The following PLCXD3 variants were observed in gnomAD, a reference collection of about 807,000 sequenced individuals.
The protein encoded by PLCXD3 is PI-PLC X domain-containing protein 3.
A neutral mutation model predicts 25.5 loss-of-function variants in PLCXD3; 19 were observed. The observed-to-expected ratio is 0.75, with a 90% CI of 0.52 to 1.09. PLCXD3 has a LOEUF of 1.09. Ranked by LOEUF, PLCXD3 falls within the 50% of genes least tolerant of loss-of-function variation. The pLI is 0.00. For synonymous variants in PLCXD3, 174 were observed against 137.6 expected, an observed-to-expected ratio of 1.26 and a Z score of -1.85; for missense variants, 411 against 388.1, an observed-to-expected ratio of 1.06 and a Z score of -0.50.
intron 1 of PLCXD3, among the ~76,000 whole-genome samples, chr5:41,462,390 G>A (rs978042628): frequency 3.9e-5 from 6 of 152,068 alleles, no homozygotes; most frequent in African/African-American, 1.4e-4. Flanking sequence ...CAATGGAGAT[G>A]GTATGTTGGC....
chr5:41,469,255 A>G (rs1412888303), intron 1 of PLCXD3, among the ~76,000 whole-genome samples: 1 of 152,060 alleles, frequency 6.6e-6, no homozygotes, highest in Non-Finnish European at 1.5e-5. Context: ...CATTCTTTTA[A>G]TGTATTTTTA....
chr5:41,468,192 AT>A (rs779230121), intron 1 of PLCXD3, among the ~76,000 whole-genome samples: 2 of 151,256 alleles, frequency 1.3e-5, no homozygotes, highest in South Asian at 4.2e-4. Context: ...TGATTTTTGT[AT>A]TTTTAGTAGA....
At chr5:41,392,434 A>G (rs1447910387) in intron 1 of PLCXD3, among the ~76,000 whole-genome samples, 1 of 152,178 alleles carries the variant, frequency 6.6e-6, no homozygotes, top group African/African-American at 2.4e-5. Flanking sequence ...CCAGAGAATT[A>G]TCCTGGATCT....
intron 2 of PLCXD3, 90 bp from the exon 3 acceptor site, chr5:41,313,860 T>A: frequency 7.2e-7 from 1 of 1,394,116 alleles, no homozygotes; most frequent in South Asian, 1.5e-5. Flanking sequence ...AGTTTCTAGC[T>A]TATTAAAATA....
At chr5:41,509,520 A>C (rs1738984776) in intron 1 of PLCXD3, among the ~76,000 whole-genome samples, 2 of 152,174 alleles carry the variant, frequency 1.3e-5, no homozygotes, top group Non-Finnish European at 2.9e-5. Flanking sequence ...GCACACATCA[A>C]GCTGAAGCTT....
At chr5:41,429,409 GGAGAGA>G (rs575243753) in intron 1 of PLCXD3, among the ~76,000 whole-genome samples, 1 of 151,352 alleles carries the variant, frequency 6.6e-6, no homozygotes, top group African/African-American at 2.4e-5. Flanking sequence ...AGAAGGCGGA[GGAGAGA>G]GAGAGAGAGA....
At chr5:41,353,986 A>C (rs73075985) in intron 2 of PLCXD3, among the ~76,000 whole-genome samples, 5,548 of 152,228 alleles carry the variant, frequency 0.036, 342 homozygotes, top group African/African-American at 0.13. Flanking sequence ...TTCATGAAAT[A>C]CCTTCCACTG....
chr5:41,476,433 A>G (rs1205153193), intron 1 of PLCXD3, among the ~76,000 whole-genome samples: 1 of 152,214 alleles, frequency 6.6e-6, no homozygotes, highest in Non-Finnish European at 1.5e-5. Flanking sequence ...GGTGTCTAGA[A>G]TTTGATACAT....
At chr5:41,510,380 G>A in intron 1 of PLCXD3, 44 bp downstream of exon 1, 3 of 1,510,672 alleles carry the variant, frequency 2.0e-6, no homozygotes, top group Non-Finnish European at 2.7e-6. Context: ...CGGGGCAGGT[G>A]GAGCGGGCGC....
At chr5:41,374,931 A>G (rs990741875) in intron 2 of PLCXD3, among the ~76,000 whole-genome samples, 3 of 152,068 alleles carry the variant, frequency 2.0e-5, no homozygotes, top group African/African-American at 7.2e-5. Context: ...ACTTTGAACC[A>G]TTCTGAGTCT....
chr5:41,374,111 G>T (rs1745207765), intron 2 of PLCXD3, among the ~76,000 whole-genome samples: 2 of 152,056 alleles, frequency 1.3e-5, no homozygotes, highest in African/African-American at 4.8e-5. Flanking sequence ...TGGGGTTTAT[G>T]TTCTTTAGGT....
At chr5:41,338,824 T>A (rs903359625) in intron 2 of PLCXD3, among the ~76,000 whole-genome samples, 16 of 152,136 alleles carry the variant, frequency 1.1e-4, no homozygotes, top group Admixed American at 9.8e-4. Context: ...GGAGCCCTCT[T>A]ATTGTCTTTG....
intron 2 of PLCXD3, among the ~76,000 whole-genome samples, chr5:41,326,414 C>T (rs997093449): frequency 6.6e-6 from 1 of 152,148 alleles, no homozygotes; most frequent in Non-Finnish European, 1.5e-5. Context: ...TCATCTCTCA[C>T]CTGCAAGATA....
intron 1 of PLCXD3, among the ~76,000 whole-genome samples, chr5:41,471,770 T>A (rs1176691886): frequency 7.6e-6 from 1 of 131,952 alleles, no homozygotes; most frequent in Non-Finnish European, 1.6e-5. Context: ...AACTACAACA[T>A]CTTTTCAAGA....
At chr5:41,454,796 C>A (rs1462934584) in intron 1 of PLCXD3, among the ~76,000 whole-genome samples, 2 of 151,822 alleles carry the variant, frequency 1.3e-5, no homozygotes, top group Non-Finnish European at 2.9e-5. Flanking sequence ...ACAAAAGAAA[C>A]CAATTGTATT....
intron 1 of PLCXD3, among the ~76,000 whole-genome samples, chr5:41,397,821 C>T (rs1293040220): frequency 2.0e-5 from 3 of 152,116 alleles, no homozygotes; most frequent in East Asian, 1.9e-4. Flanking sequence ...ATAGAGTCAA[C>T]GGGGATTATT....
At chr5:41,398,114 G>T (rs1580350412) in intron 1 of PLCXD3, among the ~76,000 whole-genome samples, 1 of 152,198 alleles carries the variant, frequency 6.6e-6, no homozygotes, top group Non-Finnish European at 1.5e-5. Context: ...TTTGAAATGT[G>T]AGAAGAACAT....
chr5:41,491,611 G>T (rs1337101648), intron 1 of PLCXD3, among the ~76,000 whole-genome samples: 1 of 151,968 alleles, frequency 6.6e-6, no homozygotes, highest in Non-Finnish European at 1.5e-5. Flanking sequence ...TATGAATCTG[G>T]GTGCTCCTGT....
At chr5:41,495,103 C>A (rs547172347) in intron 1 of PLCXD3, among the ~76,000 whole-genome samples, 53 of 152,340 alleles carry the variant, frequency 3.5e-4, no homozygotes, top group African/African-American at 1.2e-3. Context: ...AGCCAGAAGG[C>A]AGATTTTTGG....
Sources: gnomAD v4.1 joint callset for allele counts (sites outside exome capture counted in the v4.1 genomes callset) on GRCh38, gnomAD v4.1.1 for gene constraint, MANE v1.5 for transcripts, NCBI Gene and HGNC (gene_info 2026-07-23, HGNC 2026-07-21) for gene names.